KCNIP4: variants seen among roughly 807,000 people sequenced by gnomAD.
KCNIP4 encodes Kv channel-interacting protein 4.
Under a neutral mutation model 34.0 loss-of-function variants are expected in KCNIP4, and 12 were observed. The observed-to-expected ratio is 0.35, with a 90% CI of 0.23 to 0.57. KCNIP4 has a LOEUF of 0.57. Ranked by LOEUF, KCNIP4 falls within the 20% of genes least tolerant of loss-of-function variation. The probability of loss-of-function intolerance (pLI) is 0.83; values close to 1 mark genes in which losing one functional copy is unlikely to be tolerated. For missense variants in KCNIP4, 238 were observed against 311.7 expected (o/e 0.76, Z 1.78); for synonymous variants, 124 against 102.2 (o/e 1.21, Z -1.29).
intron 1 of KCNIP4, among the ~76,000 whole-genome samples, chr4:21,762,236 T>A (rs1047147989): frequency 1.3e-5 from 2 of 152,124 alleles, no homozygotes; most frequent in African/African-American, 4.8e-5. Flanking sequence ...ATTCAAAATA[T>A]TATTTCAACA....
intron 1 of KCNIP4, among the ~76,000 whole-genome samples, chr4:20,889,115 A>G (rs1408511001): frequency 6.6e-6 from 1 of 152,132 alleles, no homozygotes; most frequent in Admixed American, 6.6e-5. Context: ...GAAACATTTT[A>G]GAGATATCTG....
intron 1 of KCNIP4, among the ~76,000 whole-genome samples, chr4:21,268,527 G>A (rs1008731393): frequency 6.6e-6 from 1 of 152,146 alleles, no homozygotes; most frequent in Non-Finnish European, 1.5e-5. Flanking sequence ...AGTGTTCACT[G>A]ACAGAGTTCT....
chr4:21,017,119 G>C (rs963371227), intron 1 of KCNIP4, among the ~76,000 whole-genome samples: 1 of 152,056 alleles, frequency 6.6e-6, no homozygotes, highest in Non-Finnish European at 1.5e-5. Flanking sequence ...TCTACCCATG[G>C]ACTAGCTGTT....
At chr4:21,122,969 G>A (rs1467093870) in intron 1 of KCNIP4, among the ~76,000 whole-genome samples, 1 of 152,160 alleles carries the variant, frequency 6.6e-6, no homozygotes, top group African/African-American at 2.4e-5. Flanking sequence ...CCAGCACTTT[G>A]GGAGGCCAAG....
intron 1 of KCNIP4, among the ~76,000 whole-genome samples, chr4:21,610,442 C>G (rs1228435764): frequency 1.3e-5 from 2 of 152,166 alleles, no homozygotes; most frequent in African/African-American, 4.8e-5. Flanking sequence ...CTAATGACCT[C>G]ATTTTAATTT....
intron 1 of KCNIP4, among the ~76,000 whole-genome samples, chr4:20,960,861 G>C (rs1733779467): frequency 6.6e-6 from 1 of 152,182 alleles, no homozygotes; most frequent in Non-Finnish European, 1.5e-5. Flanking sequence ...GAAGGGGCAA[G>C]AGGTGTGCAG....
intron 5 of KCNIP4, among the ~76,000 whole-genome samples, chr4:20,742,963 A>G (rs1045195712): frequency 6.6e-6 from 1 of 152,126 alleles, no homozygotes; most frequent in South Asian, 2.1e-4. Flanking sequence ...TCCCATTCAC[A>G]ATTGCTTCAA....
At chr4:20,869,113 A>C (rs1432535756) in intron 2 of KCNIP4, among the ~76,000 whole-genome samples, 1 of 152,156 alleles carries the variant, frequency 6.6e-6, no homozygotes, top group Non-Finnish European at 1.5e-5. Context: ...TTACCTAGTG[A>C]GTTAAGCAGA....
At chr4:20,889,776 A>AC (rs1221167498) in intron 1 of KCNIP4, among the ~76,000 whole-genome samples, 3 of 151,600 alleles carry the variant, frequency 2.0e-5, no homozygotes, top group South Asian at 2.1e-4. Flanking sequence ...TCAAAAAAAA[A>AC]AAAAAACAAA....
At chr4:21,393,287 G>C (rs1484495128) in intron 1 of KCNIP4, among the ~76,000 whole-genome samples, 1 of 151,674 alleles carries the variant, frequency 6.6e-6, no homozygotes, top group East Asian at 1.9e-4. Flanking sequence ...GCATTTTTTT[G>C]CTTCCCTTAA....
intron 5 of KCNIP4, 53 bp from the exon 6 acceptor site, chr4:20,734,788 CAAAA>C: frequency 3.3e-6 from 3 of 919,490 alleles, no homozygotes; most frequent in East Asian, 2.7e-5. Flanking sequence ...AAAACAAAAA[CAAAA>C]AAAACAAATG....
At chr4:21,946,046 G>A (rs113373344) in intron 1 of KCNIP4, among the ~76,000 whole-genome samples, 20 of 148,168 alleles carry the variant, frequency 1.3e-4, no homozygotes, top group Admixed American at 4.1e-4. Context: ...AAGAGAGTAC[G>A]GAACGAACTT....
Position 21,577,492 on chromosome 4 carries a change from A to C in KCNIP4, c.61+371079T>G, listed in dbSNP as rs530373575. Among the ~76,000 whole-genome samples the C allele has an allele frequency of 9.0e-4, 137 of 152,196 alleles. 2 individuals are homozygous for C. The highest frequency in any genetic ancestry group is 3.1e-3 in the African/African-American group (127 of 41,518). On this transcript the variant is annotated intron_variant, in intron 1 of 8. Transcript: ENST00000382152. ...TAAAAGTACAAAAAATTAGGCAGGC[A>C]TTGTGGCAGGCACCTGTAATCCCAG...
intron 1 of KCNIP4, among the ~76,000 whole-genome samples, chr4:21,193,890 A>G (rs1415063734): frequency 6.6e-6 from 1 of 152,150 alleles, no homozygotes; most frequent in Non-Finnish European, 1.5e-5. Flanking sequence ...TTTTTAAACT[A>G]CAAGAAGGGA....
rs375852135 is a variant in KCNIP4 at position 21,016,485 on chromosome 4, T to C, written c.62-133776A>G. Among the ~76,000 whole-genome samples, 289 of 151,960 alleles carry C rather than the reference T, an allele frequency of 1.9e-3. 6 individuals carry two copies. The South Asian group carries it at 0.053, about 28-fold the overall frequency. On this transcript the variant is annotated intron_variant, in intron 1 of 8. Coordinates refer to ENST00000382152, the MANE Select transcript of KCNIP4 (RefSeq NM_025221.6). ...TAATTTTTTGTATTTTTAGTAGAGA[T>C]AGGGTTTCACCGTGTTAGCCTGGAT...
At chr4:21,176,223 A>T (rs976105962) in intron 1 of KCNIP4, among the ~76,000 whole-genome samples, 1 of 152,162 alleles carries the variant, frequency 6.6e-6, no homozygotes, top group African/African-American at 2.4e-5. Context: ...TTATCCTGGA[A>T]TCACAATCTA....
Position 21,389,509 on chromosome 4 carries a change from G to A in KCNIP4, c.62-506800C>T, listed in dbSNP as rs1722345679. Among the ~76,000 whole-genome samples, 8 of 130,602 alleles carry A rather than the reference G, an allele frequency of 6.1e-5. No homozygotes were observed. The Admixed American group carries it at 7.5e-4, about 12-fold the overall frequency. The allele number at this position is 130,602 out of a possible 152,430, so 85.7% of individuals were successfully genotyped here. A position where few individuals can be genotyped will look rare whatever the true frequency, so the allele number is the denominator to read the frequency against. On this transcript the variant is annotated intron_variant, in intron 1 of 8. Coordinates refer to ENST00000382152, the MANE Select transcript of KCNIP4 (RefSeq NM_025221.6). ...GATGTTCCTCTTCCTGTGTCCAAGT[G>A]TTCTTATTGTTCAATTCCCACCTAT...
At chr4:21,747,896 C>T (rs756589671) in intron 1 of KCNIP4, among the ~76,000 whole-genome samples, 6 of 152,028 alleles carry the variant, frequency 3.9e-5, no homozygotes, top group Non-Finnish European at 7.4e-5. Context: ...TTTTACAAGA[C>T]GCAAAAAAGG....
At position 21,811,650 on chromosome 4, in the gene KCNIP4, G is replaced by A. The variant is rs541088472; in HGVS notation, c.61+136921C>T. Among the ~76,000 whole-genome samples, 33 of 152,294 alleles carry A rather than the reference G, an allele frequency of 2.2e-4. No individual in the cohort carries two copies. The East Asian group carries it at 6.2e-3, about 28-fold the overall frequency. On this transcript the variant is annotated intron_variant, in intron 1 of 8. Transcript: ENST00000382152. ...AAAGAAGAGATAAAACAGCCTTGTAGACACATCTGAGTGGCATATTTGTTT... is the reference window on the plus strand; with the variant it reads ...AAAGAAGAGATAAAACAGCCTTGTAAACACATCTGAGTGGCATATTTGTTT...
Sources: gnomAD v4.1 joint callset for allele counts (sites outside exome capture counted in the v4.1 genomes callset) on GRCh38, gnomAD v4.1.1 for gene constraint, MANE v1.5 for transcripts, NCBI Gene and HGNC (gene_info 2026-07-23, HGNC 2026-07-21) for gene names.